Variants in CADPS2 observed in about 807,000 individuals in gnomAD.
CADPS2 encodes calcium dependent secretion activator 2, also known as calcium-dependent secretion activator 2.
Under a neutral mutation model 172.5 loss-of-function variants are expected in CADPS2, and 93 were observed. The observed-to-expected ratio is 0.54, with a 90% CI of 0.46 to 0.64. The LOEUF is 0.64. CADPS2 is among the 30% of genes least tolerant of loss of function. CADPS2 has a pLI of 0.00. For synonymous variants in CADPS2, 546 were observed against 555.2 expected (o/e 0.98, Z 0.23); for missense variants, 1,420 against 1,565.9 (o/e 0.91, Z 1.57).
intron 3 of CADPS2, among the ~76,000 whole-genome samples, chr7:122,635,662 C>T (rs907906311): frequency 8.5e-5 from 13 of 152,240 alleles, no homozygotes; most frequent in African/African-American, 1.2e-4. Context: ...GCCACATTTT[C>T]TTAATCCAGT....
intron 18 of CADPS2, among the ~76,000 whole-genome samples, chr7:122,415,826 A>T (rs1405466001): frequency 3.3e-5 from 5 of 152,334 alleles, no homozygotes; most frequent in Middle Eastern, 3.4e-3. Flanking sequence ...ATACACACAC[A>T]CAATTGCTTT....
chr7:122,457,271 A>T (rs1174673760), intron 14 of CADPS2, among the ~76,000 whole-genome samples: 1 of 152,180 alleles, frequency 6.6e-6, no homozygotes, highest in Non-Finnish European at 1.5e-5. Context: ...AAATATTCAG[A>T]TCTGTGCAAA....
intron 1 of CADPS2, among the ~76,000 whole-genome samples, chr7:122,798,431 T>C (rs915691402): frequency 2.6e-5 from 4 of 152,220 alleles, no homozygotes; most frequent in Non-Finnish European, 4.4e-5. Flanking sequence ...CTATTTAAAC[T>C]GGAACCAGGA....
intron 1 of CADPS2, among the ~76,000 whole-genome samples, chr7:122,770,376 T>A (rs181454603): frequency 6.6e-6 from 1 of 152,260 alleles, no homozygotes; most frequent in Non-Finnish European, 1.5e-5. Context: ...TATTATTATT[T>A]ATTTTTTATT....
chr7:122,779,798 C>T (rs989307660), intron 1 of CADPS2, among the ~76,000 whole-genome samples: 25 of 152,152 alleles, frequency 1.6e-4, no homozygotes, highest in African/African-American at 5.3e-4. Context: ...TATGCTCTGT[C>T]CTCCCCCTCT....
At chr7:122,885,960 G>A (rs1563253686) in intron 1 of CADPS2, 39 bp downstream of exon 1, 2 of 1,578,612 alleles carry the variant, frequency 1.3e-6, no homozygotes, top group Middle Eastern at 1.8e-4. Flanking sequence ...AAAACCCAGG[G>A]AGAAGTGGTG....
chr7:122,797,586 T>G (rs1796654858), intron 1 of CADPS2, among the ~76,000 whole-genome samples: 2 of 152,122 alleles, frequency 1.3e-5, no homozygotes, highest in Admixed American at 6.6e-5. Flanking sequence ...CTTAGCAAAC[T>G]AATGCAGGAA....
intron 8 of CADPS2, among the ~76,000 whole-genome samples, chr7:122,517,990 GTGT>G (rs1454952164): frequency 6.6e-6 from 1 of 151,746 alleles, no homozygotes; most frequent in Admixed American, 6.6e-5. Context: ...TTAATGTTCA[GTGT>G]TGTTATGATT....
Position 122,360,795 on chromosome 7 carries a change from T to C in CADPS2, c.3497A>G (p.Asp1166Gly). Reference protein sequence around the residue: ...FTVKAAAKYVDVPKPGMDLAD... With the variant: ...FTVKAAAKYVGVPKPGMDLAD... ...CAGATAAAAAATACTTACTGGAACA[T>C]CAACATATTTTGCAGCTGCTTTCAC... The change falls in exon 27 of 30, where the codon GAT (aspartate) becomes GGT (glycine). Residue 1166 changes from aspartate (D) to glycine (G), a missense_variant. Transcript: ENST00000449022. 1 of 1,558,010 alleles carries C rather than the reference T, an allele frequency of 6.4e-7. No homozygotes were observed. Among genetic ancestry groups the C allele is most frequent in the South Asian group, 1.2e-5 (1 of 83,640 alleles).
rs2043955071 is a variant in CADPS2, at chr7:122,388,439, C to G, written c.3164+144G>C. 3.6e-6 allele frequency: 3 copies of G among 842,562 alleles called. No homozygotes were observed. In the African/African-American group the frequency reaches 5.1e-5, roughly 14 times the overall value. 52.2% of individuals were successfully genotyped at this position (842,562 alleles called of 1,614,324 possible). ...ATTACATGGGTCCCCAGAATTTAAT[C>G]AAGATAACCTAATACTCATTAAATG... On this transcript the variant is annotated intron_variant, in intron 23 of 29. Transcript: ENST00000449022.
intron 1 of CADPS2, among the ~76,000 whole-genome samples, chr7:122,840,600 A>T (rs940703198): frequency 2.0e-5 from 3 of 151,328 alleles, no homozygotes; most frequent in Non-Finnish European, 4.4e-5. Context: ...GAAAAAACTT[A>T]GGGTAGGCCG....
intron 15 of CADPS2, among the ~76,000 whole-genome samples, chr7:122,448,764 T>A (rs1028820517): frequency 2.0e-5 from 3 of 152,074 alleles, no homozygotes; most frequent in Non-Finnish European, 4.4e-5. Flanking sequence ...ACCAGGCTCA[T>A]GAGATATAAA....
At chr7:122,813,849 T>G (rs1800656533) in intron 1 of CADPS2, among the ~76,000 whole-genome samples, 1 of 152,096 alleles carries the variant, frequency 6.6e-6, no homozygotes, top group Non-Finnish European at 1.5e-5. Context: ...TTTTCAAATA[T>G]CTTCCCTTAA....
chr7:122,593,647 C>G (rs536608815), intron 6 of CADPS2, among the ~76,000 whole-genome samples: 2 of 151,896 alleles, frequency 1.3e-5, no homozygotes, highest in East Asian at 3.9e-4. Flanking sequence ...ATAATATCTA[C>G]CTGAAAAAAT....
At chr7:122,544,393 C>T (rs1302372964) in intron 8 of CADPS2, among the ~76,000 whole-genome samples, 3 of 152,046 alleles carry the variant, frequency 2.0e-5, no homozygotes, top group African/African-American at 7.2e-5. Flanking sequence ...AGTATCTAAC[C>T]TTTGCTGTAT....
intron 19 of CADPS2, chr7:122,413,027 A>C (rs2047488146): frequency 6.6e-6 from 1 of 152,242 alleles, no homozygotes; most frequent in African/African-American, 2.4e-5. Context: ...GAAAATGTCC[A>C]GGTCTGGAGC....
chr7:122,798,351 T>C (rs1796858263), intron 1 of CADPS2, among the ~76,000 whole-genome samples: 1 of 152,174 alleles, frequency 6.6e-6, no homozygotes, highest in African/African-American at 2.4e-5. Context: ...AAAATAAGTG[T>C]ATAAACTTCA....
intron 3 of CADPS2, among the ~76,000 whole-genome samples, chr7:122,660,607 A>T (rs1212497450): frequency 1.7e-4 from 3 of 17,554 alleles, no homozygotes; most frequent in African/African-American, 1.6e-4. Context: ...GTCTGGATTT[A>T]AAAAAAAAAA....
intron 2 of CADPS2, among the ~76,000 whole-genome samples, chr7:122,668,060 T>G (rs1328585773): frequency 6.6e-6 from 1 of 152,042 alleles, no homozygotes; most frequent in Non-Finnish European, 1.5e-5. Flanking sequence ...AGACAACAAG[T>G]GACCAGAGCA....
Sources: allele counts gnomAD v4.1 joint callset (sites outside exome capture counted in the v4.1 genomes callset), GRCh38; gene constraint gnomAD v4.1.1; transcripts MANE v1.5; gene names NCBI Gene and HGNC (gene_info 2026-07-23, HGNC 2026-07-21).